The following USP48 variants were observed in gnomAD, a reference collection of about 807,000 sequenced individuals.
USP48 encodes the protein ubiquitin specific peptidase 48, also known as ubiquitin carboxyl-terminal hydrolase 48.
Under a neutral mutation model 150.7 loss-of-function variants are expected in USP48, and 43 were observed. The ratio of observed to expected loss-of-function variants is 0.29; its 90% confidence interval spans 0.22 to 0.37. The LOEUF (loss-of-function observed/expected upper bound fraction) is 0.37, where lower values mean the gene tolerates loss of function less well. USP48 is among the 10% of genes least tolerant of loss of function. The pLI is 1.00. For synonymous variants in USP48, 396 were observed against 425.9 expected (o/e 0.93, Z 0.86); for missense variants, 813 against 1,249.6 (o/e 0.65, Z 5.27).
In USP48 at chr1:21,703,742, CTTTTT is replaced by C. The variant is rs2097664224; in HGVS notation, c.2516-129_2516-125del. 19 of 799,978 alleles carry C rather than the reference CTTTTT, an allele frequency of 2.4e-5. No homozygotes were observed. The South Asian group carries it at 3.1e-4, about 13-fold the overall frequency. The allele number at this position is 799,978 out of a possible 1,614,324, so 49.6% of individuals were successfully genotyped here. A position where few individuals can be genotyped will look rare whatever the true frequency, so the allele number is the denominator to read the frequency against. ...TTCATTAAACTCTTAGTAACATTTT[CTTTTT>C]TTGAGACAAGGTTTTGCTGTGTCAC... On this transcript the variant is annotated intron_variant, in intron 20 of 26. Coordinates refer to ENST00000308271, the MANE Select transcript of USP48 (RefSeq NM_032236.8).
intron 1 of USP48, among the ~76,000 whole-genome samples, chr1:21,773,820 C>A (rs1424745091): frequency 1.3e-5 from 2 of 151,792 alleles, no homozygotes; most frequent in African/African-American, 4.8e-5. Context: ...CCCCAAAGTC[C>A]ATCAACAGGA....
chr1:21,714,171 T>C (rs572890460), intron 15 of USP48, among the ~76,000 whole-genome samples: 2 of 152,106 alleles, frequency 1.3e-5, no homozygotes, highest in Admixed American at 1.3e-4. Flanking sequence ...TCAACAGGAG[T>C]CCTAAATATT....
chr1:21,771,981 G>A (rs545766665), intron 1 of USP48, among the ~76,000 whole-genome samples: 9 of 152,058 alleles, frequency 5.9e-5, no homozygotes, highest in African/African-American at 2.2e-4. Flanking sequence ...TGTAATAAAG[G>A]TGGATTTTTA....
intron 8 of USP48, among the ~76,000 whole-genome samples, chr1:21,741,567 T>C (rs866695488): frequency 2.6e-5 from 4 of 152,316 alleles, no homozygotes; most frequent in Admixed American, 6.5e-5. Context: ...CTCTTCCAGA[T>C]GGAAGGTCTA....
intron 1 of USP48, among the ~76,000 whole-genome samples, chr1:21,761,405 G>A (rs1242023108): frequency 6.6e-6 from 1 of 151,986 alleles, no homozygotes; most frequent in African/African-American, 2.4e-5. Context: ...GAGTAGCTGG[G>A]AGGTGCATGC....
At chr1:21,740,202 C>T (rs111274962) in intron 8 of USP48, among the ~76,000 whole-genome samples, 5,016 of 152,340 alleles carry the variant, frequency 0.033, 304 homozygotes, top group African/African-American at 0.11. Flanking sequence ...TGAGCCACTG[C>T]GCCCAGGCCA....
chr1:21,680,884 C>G, intron 25 of USP48, 50 bp from the exon 26 acceptor site: 2 of 1,446,980 alleles, frequency 1.4e-6, no homozygotes, highest in Non-Finnish European at 1.9e-6. Flanking sequence ...ATTGTCGTGA[C>G]AGACAGTAAT....
At chr1:21,741,281 A>C (rs1178018161) in intron 8 of USP48, among the ~76,000 whole-genome samples, 1 of 152,256 alleles carries the variant, frequency 6.6e-6, no homozygotes, top group Non-Finnish European at 1.5e-5. Context: ...ACCAAAGAAG[A>C]GGTCTTAAAA....
At chr1:21,682,436 ATTG>A (rs555765288) in intron 25 of USP48, among the ~76,000 whole-genome samples, 174 of 141,844 alleles carry the variant, frequency 1.2e-3, no homozygotes, top group Non-Finnish European at 2.1e-3. Context: ...TCCTCTTCCT[ATTG>A]TTTGCTTTTT....
intron 1 of USP48, among the ~76,000 whole-genome samples, chr1:21,774,555 G>A (rs559858195): frequency 1.3e-5 from 2 of 151,294 alleles, no homozygotes; most frequent in East Asian, 3.9e-4. Context: ...GGTGTGGTGG[G>A]GCGCCCCTGT....
intron 15 of USP48, among the ~76,000 whole-genome samples, chr1:21,712,998 G>T (rs546542587): frequency 6.6e-6 from 1 of 152,160 alleles, no homozygotes; most frequent in Non-Finnish European, 1.5e-5. Context: ...CAAGACAACA[G>T]CCTAAAAAAA....
intron 1 of USP48, among the ~76,000 whole-genome samples, chr1:21,773,547 T>A (rs1373544021): frequency 6.6e-6 from 1 of 152,032 alleles, no homozygotes; most frequent in Non-Finnish European, 1.5e-5. Context: ...CAGCAAAAAA[T>A]GGCAAATGAA....
chr1:21,767,613 G>A (rs961212536), intron 1 of USP48, among the ~76,000 whole-genome samples: 5 of 149,246 alleles, frequency 3.4e-5, no homozygotes, highest in African/African-American at 9.8e-5. Context: ...ATGAGCCACC[G>A]CGACCCGGCC....
intron 21 of USP48, among the ~76,000 whole-genome samples, chr1:21,702,747 A>G (rs1335691318): frequency 6.6e-6 from 1 of 152,208 alleles, no homozygotes; most frequent in African/African-American, 2.4e-5. Context: ...TAGACCAGCA[A>G]TAGCCACTAG....
At chr1:21,782,692 G>T (rs1276433051) in intron 1 of USP48, 132 bp downstream of exon 1, 2 of 1,347,062 alleles carry the variant, frequency 1.5e-6, no homozygotes, top group East Asian at 2.9e-5. Flanking sequence ...CGCAAAGGGG[G>T]AAACTCCACC....
At chr1:21,723,159 A>C (rs894553314) in intron 12 of USP48, among the ~76,000 whole-genome samples, 2 of 152,170 alleles carry the variant, frequency 1.3e-5, no homozygotes, top group African/African-American at 4.8e-5. Context: ...CTCTATATTT[A>C]AGGGAGAATC....
chr1:21,744,393 G>C (rs1204816482), intron 8 of USP48, among the ~76,000 whole-genome samples: 1 of 151,520 alleles, frequency 6.6e-6, no homozygotes, highest in African/African-American at 2.4e-5. Context: ...GCTGCAGTGA[G>C]TCGAAATTGC....
At chr1:21,757,575 TAG>T (rs1362494503) in intron 2 of USP48, 86 bp downstream of exon 2, 67 of 1,434,194 alleles carry the variant, frequency 4.7e-5, no homozygotes, top group Admixed American at 4.5e-5. Context: ...CTGAAATCAG[TAG>T]AGTTTTCTGA....
chr1:21,782,970 A>T lies in USP48; in HGVS notation c.-13T>A. 1.3e-6 allele frequency: 2 copies of T among 1,527,800 alleles called. No homozygotes were observed. Among genetic ancestry groups the T allele is most frequent in the Non-Finnish European group, 1.8e-6 (2 of 1,141,792 alleles). The allele number at this position is 1,527,800 out of a possible 1,614,324, so 94.6% of individuals were successfully genotyped here. A position where few individuals can be genotyped will look rare whatever the true frequency, so the allele number is the denominator to read the frequency against. On this transcript the variant is annotated 5_prime_UTR_variant, in exon 1 of 27. Coordinates refer to ENST00000308271, the MANE Select transcript of USP48 (RefSeq NM_032236.8). ...GCCGCGGGGCCATGGCCTTGGCCCCAGGAACGCCTCCCGAGCCAGACCGCC... is the reference window on the plus strand; with the variant it reads ...GCCGCGGGGCCATGGCCTTGGCCCCTGGAACGCCTCCCGAGCCAGACCGCC...
Sources: gnomAD v4.1 joint callset for allele counts (sites outside exome capture counted in the v4.1 genomes callset) on GRCh38, gnomAD v4.1.1 for gene constraint, MANE v1.5 for transcripts, NCBI Gene and HGNC (gene_info 2026-07-23, HGNC 2026-07-21) for gene names.